MARK3: variants seen among roughly 807,000 people sequenced by gnomAD.
MARK3 encodes the protein microtubule affinity regulating kinase 3.
In MARK3, 46 loss-of-function variants were observed where a neutral mutation model predicts 90.1. The observed-to-expected ratio is 0.51, with a 90% CI of 0.40 to 0.65. The LOEUF (loss-of-function observed/expected upper bound fraction) is 0.65, where lower values mean the gene tolerates loss of function less well. Ranked by LOEUF, MARK3 falls within the 30% of genes least tolerant of loss-of-function variation. The pLI, the probability that MARK3 is intolerant of heterozygous loss-of-function variation, is 0.00. For missense variants in MARK3, 818 were observed against 947.2 expected, an observed-to-expected ratio of 0.86 and a Z score of 1.79; for synonymous variants, 321 against 332.6, an observed-to-expected ratio of 0.97 and a Z score of 0.38.
intron 14 of MARK3, among the ~76,000 whole-genome samples, chr14:103,483,562 G>A (rs1465078679): frequency 6.6e-6 from 1 of 151,992 alleles, no homozygotes; most frequent in Non-Finnish European, 1.5e-5. Flanking sequence ...TTATTAATTG[G>A]TTCTTACTAG....
At chr14:103,410,689 A>G (rs992548082) in intron 2 of MARK3, among the ~76,000 whole-genome samples, 1 of 152,134 alleles carries the variant, frequency 6.6e-6, no homozygotes, top group Non-Finnish European at 1.5e-5. Context: ...GCAACAGAGG[A>G]CACTCTCTAA....
In MARK3 at chr14:103,467,100, A is replaced by G. The variant is rs189704054; in HGVS notation, c.1019A>G (p.Tyr340Cys). Residue 340 changes from tyrosine to cysteine, a missense_variant, in exon 11 of 18, where the codon TAT becomes TGT. By Grantham distance (194) the Tyr-to-Cys change is radical. Transcript: ENST00000429436. ...TTAGATATTATGGTGGGAATGGGAT[A>G]TTCACAAGAAGAAATTCAAGAATCT... ...KRIDIMVGMG[Y>C]SQEEIQESLS... The G allele has an allele frequency of 6.4e-7, 1 of 1,568,084 alleles. No individual in the cohort carries two copies. Among genetic ancestry groups the G allele is most frequent in the Admixed American group, 1.7e-5 (1 of 59,522 alleles).
intron 12 of MARK3, 44 bp downstream of exon 12, chr14:103,468,230 A>G (rs1329790118): frequency 1.9e-6 from 3 of 1,574,958 alleles, no homozygotes; most frequent in Non-Finnish European, 2.6e-6. Flanking sequence ...GAGTCCAGGC[A>G]AGAGGTCTCC....
intron 15 of MARK3, among the ~76,000 whole-genome samples, chr14:103,497,180 C>T (rs1286220093): frequency 6.6e-6 from 1 of 152,172 alleles, no homozygotes; most frequent in Non-Finnish European, 1.5e-5. Context: ...TTTTCACATG[C>T]ATGATTGTAC....
intron 2 of MARK3, among the ~76,000 whole-genome samples, chr14:103,413,199 T>C (rs1353822730): frequency 1.3e-5 from 2 of 152,188 alleles, no homozygotes; most frequent in Non-Finnish European, 2.9e-5. Context: ...TATTCAGGAA[T>C]GTGCATGTGT....
intron 2 of MARK3, among the ~76,000 whole-genome samples, chr14:103,408,569 A>T (rs1404741962): frequency 6.6e-6 from 1 of 152,152 alleles, no homozygotes; most frequent in Non-Finnish European, 1.5e-5. Context: ...ATGTGCCAAG[A>T]CTGTGACACA....
chr14:103,405,237 A>G lies in MARK3; in HGVS notation c.213A>G (p.Lys71=), dbSNP rs768803256. Residue 71 remains lysine (K), a synonymous_variant, in exon 2 of 18, where the codon AAA becomes AAG. Transcript: ENST00000429436. ...TIGKGNFAKV[K]LARHILTGRE... Reference sequence around the variant, plus strand: ...GCAAGGGGAATTTTGCAAAAGTAAAATTGGCAAGACATATCCTTACAGGCA... The same window carrying G: ...GCAAGGGGAATTTTGCAAAAGTAAAGTTGGCAAGACATATCCTTACAGGCA... 7 of 1,568,908 alleles carry G rather than the reference A, an allele frequency of 4.5e-6. No homozygotes were observed. In the African/African-American group the frequency reaches 9.6e-5, roughly 22 times the overall value.
intron 3 of MARK3, among the ~76,000 whole-genome samples, chr14:103,444,877 T>C (rs1388901184): frequency 2.6e-5 from 4 of 152,248 alleles, no homozygotes; most frequent in Admixed American, 2.0e-4. Flanking sequence ...ATAGGGACTT[T>C]CCTTAAAGTT....
At chr14:103,404,530 A>G (rs1010537115) in intron 1 of MARK3, among the ~76,000 whole-genome samples, 2 of 152,338 alleles carry the variant, frequency 1.3e-5, no homozygotes, top group Non-Finnish European at 1.5e-5. Flanking sequence ...TACTTTATTC[A>G]TCTATACAAC....
intron 12 of MARK3, among the ~76,000 whole-genome samples, chr14:103,473,349 CTG>C (rs563651489): frequency 3.1e-4 from 47 of 152,154 alleles, no homozygotes; most frequent in African/African-American, 6.8e-4. Flanking sequence ...GCAAGTAAAA[CTG>C]GGGAAATCTG....
chr14:103,385,955 C>A lies in MARK3; in HGVS notation c.-75C>A. On this transcript the variant is annotated 5_prime_UTR_variant, in exon 1 of 18. Coordinates refer to ENST00000429436, the MANE Select transcript of MARK3 (RefSeq NM_001128918.3). ...TTCGGAACTGCCGTGGACTCGAGGACGCTGGTCGCCGGCCTCCTAGGGCTG... is the reference window on the plus strand; with the variant it reads ...TTCGGAACTGCCGTGGACTCGAGGAAGCTGGTCGCCGGCCTCCTAGGGCTG... 1 of 1,244,696 alleles carries A rather than the reference C, an allele frequency of 8.0e-7. No homozygotes were observed. Among genetic ancestry groups the A allele is most frequent in the Non-Finnish European group, 1.2e-6 (1 of 844,554 alleles). The allele number at this position is 1,244,696 out of a possible 1,614,324, so 77.1% of individuals were successfully genotyped here. A position where few individuals can be genotyped will look rare whatever the true frequency, so the allele number is the denominator to read the frequency against.
chr14:103,498,565 C>T (rs1252248219), intron 16 of MARK3, 37 bp downstream of exon 16: 4 of 1,325,610 alleles, frequency 3.0e-6, no homozygotes, highest in African/African-American at 3.1e-5. Context: ...TTTCAATCCT[C>T]ACTCCCAAAT....
At chr14:103,483,756 A>G (rs2093870149) in intron 14 of MARK3, among the ~76,000 whole-genome samples, 1 of 152,182 alleles carries the variant, frequency 6.6e-6, no homozygotes, top group Non-Finnish European at 1.5e-5. Context: ...TTCTGATGTT[A>G]TTCTCGAAAA....
chr14:103,503,652 T>A lies in MARK3; in HGVS notation c.*425T>A, dbSNP rs1595986564. The A allele has an allele frequency of 5.8e-6, 1 of 171,818 alleles. No homozygotes were observed. Among genetic ancestry groups the A allele is most frequent in the Non-Finnish European group, 1.3e-5 (1 of 79,612 alleles). 10.6% of individuals were successfully genotyped at this position (171,818 alleles called of 1,614,324 possible). On this transcript the variant is annotated 3_prime_UTR_variant, in exon 18 of 18. Coordinates refer to ENST00000429436, the MANE Select transcript of MARK3 (RefSeq NM_001128918.3). ...GAAAATACTGAATGACTGCTAAGAATTAACCTTAAGACCAGTTCATAGTTA... is the reference window on the plus strand; with the variant it reads ...GAAAATACTGAATGACTGCTAAGAAATAACCTTAAGACCAGTTCATAGTTA...
At chr14:103,417,939 C>T (rs567625951) in intron 2 of MARK3, among the ~76,000 whole-genome samples, 1 of 152,086 alleles carries the variant, frequency 6.6e-6, no homozygotes, top group Admixed American at 6.6e-5. Flanking sequence ...CGTGGTGGCG[C>T]GCACCTGTAA....
intron 1 of MARK3, among the ~76,000 whole-genome samples, chr14:103,396,782 G>A (rs565030267): frequency 5.3e-5 from 8 of 151,926 alleles, no homozygotes; most frequent in Admixed American, 2.0e-4. Flanking sequence ...TCACATCTTG[G>A]GGTACCTTTT....
In MARK3 at chr14:103,385,454, C is replaced by G. The variant is rs890329222; in HGVS notation, c.-576C>G. On this transcript the variant is annotated 5_prime_UTR_variant, in exon 1 of 18. Coordinates refer to ENST00000429436, the MANE Select transcript of MARK3 (RefSeq NM_001128918.3). ...CTGAGGTGCCGGGGTGCGGCGGCGG[C>G]AGCGGCGGCCAGCAGGGCGGAGGCT... 1 of 154,730 alleles carries G rather than the reference C, an allele frequency of 6.5e-6. No homozygotes were observed. Among genetic ancestry groups the G allele is most frequent in the Non-Finnish European group, 1.4e-5 (1 of 69,210 alleles). The allele number at this position is 154,730 out of a possible 1,614,324, so 9.6% of individuals were successfully genotyped here.
intron 2 of MARK3, among the ~76,000 whole-genome samples, chr14:103,413,214 A>G (rs1595543302): frequency 6.6e-6 from 1 of 152,012 alleles, no homozygotes; most frequent in East Asian, 1.9e-4. Context: ...ATGTGTCTCA[A>G]ATTTGTTTTC....
chr14:103,481,076 A>G (rs1030084308), intron 14 of MARK3, among the ~76,000 whole-genome samples: 1 of 152,248 alleles, frequency 6.6e-6, no homozygotes, highest in African/African-American at 2.4e-5. Flanking sequence ...TTACATGTCA[A>G]TAAGGAGAGC....
Sources: allele counts gnomAD v4.1 joint callset (sites outside exome capture counted in the v4.1 genomes callset), GRCh38; gene constraint gnomAD v4.1.1; transcripts MANE v1.5; gene names NCBI Gene and HGNC (gene_info 2026-07-23, HGNC 2026-07-21).